ABCC8: variants seen among roughly 807,000 people sequenced by gnomAD.
ABCC8 encodes the protein ATP binding cassette subfamily C member 8, also known as ATP-binding cassette sub-family C member 8.
Under a neutral mutation model 188.0 loss-of-function variants are expected in ABCC8, and 137 were observed. That is an observed-to-expected ratio of 0.73 (90% CI 0.63 to 0.84). The LOEUF is 0.84. Ranked by LOEUF, ABCC8 falls within the 40% of genes least tolerant of loss-of-function variation. ABCC8 has a pLI of 0.00. For missense variants in ABCC8, 1,750 were observed against 2,072.7 expected, an observed-to-expected ratio of 0.84 and a Z score of 3.02; for synonymous variants, 797 against 846.5, an observed-to-expected ratio of 0.94 and a Z score of 1.01.
Position 17,460,781 on chromosome 11 carries a change from T to C in ABCC8, c.823-105A>G, listed in dbSNP as rs886290. 536,360 of 1,555,900 alleles carry C rather than the reference T, an allele frequency of 0.34. 94,619 individuals are homozygous for C. The highest frequency in any genetic ancestry group is 0.48 in the African/African-American group (35,686 of 73,786). Reference sequence around the variant, plus strand: ...GCTCCTGTTGTCTGGGGAAACCCAGTGGTCACATCCTCTGCAAATAGGTGA... The same window carrying C: ...GCTCCTGTTGTCTGGGGAAACCCAGCGGTCACATCCTCTGCAAATAGGTGA... On this transcript the variant is annotated intron_variant, in intron 5 of 38. Transcript: ENST00000389817.
Position 17,476,844 on chromosome 11 carries a change from C to T in ABCC8, c.-68G>A. 7.8e-7 allele frequency: 1 copy of T among 1,279,400 alleles called. No individual in the cohort carries two copies. Among genetic ancestry groups the T allele is most frequent in the Non-Finnish European group, 9.9e-7 (1 of 1,012,072 alleles). 79.3% of individuals were successfully genotyped at this position (1,279,400 alleles called of 1,614,324 possible). A position where few individuals can be genotyped will look rare whatever the true frequency, so the allele number is the denominator to read the frequency against. ...CTGGCTCCGCGCGCCTGCCGCGCCT[C>T]TGTCCCTTGCAGCTCCGCCGCCCGG... On this transcript the variant is annotated 5_prime_UTR_variant, in exon 1 of 39. Transcript: ENST00000389817.
chr11:17,425,217 A>G (rs1412186758), intron 16 of ABCC8, among the ~76,000 whole-genome samples: 1 of 152,204 alleles, frequency 6.6e-6, no homozygotes, highest in Non-Finnish European at 1.5e-5. Context: ...CTGCCCCCAA[A>G]GACATCACAG....
chr11:17,396,769 C>G (rs1953950103), intron 33 of ABCC8, 147 bp downstream of exon 33: 1 of 1,032,976 alleles, frequency 9.7e-7, no homozygotes, highest in Non-Finnish European at 1.4e-6. Context: ...CCCCCACAGG[C>G]CCAGGGCAGG....
At chr11:17,471,295 G>C (rs1848465154) in intron 2 of ABCC8, among the ~76,000 whole-genome samples, 1 of 152,222 alleles carries the variant, frequency 6.6e-6, no homozygotes, top group African/African-American at 2.4e-5. Context: ...CACAAAGGAG[G>C]GGGTGGGCAA....
intron 23 of ABCC8, 57 bp from the exon 24 acceptor site, chr11:17,407,510 G>A: frequency 6.2e-7 from 1 of 1,612,636 alleles, no homozygotes; most frequent in Non-Finnish European, 8.5e-7. Context: ...GGTGGGGGAA[G>A]GGGAAGTTAA....
At chr11:17,440,255 C>G (rs189963869) in intron 10 of ABCC8, among the ~76,000 whole-genome samples, 1 of 152,132 alleles carries the variant, frequency 6.6e-6, no homozygotes, top group Non-Finnish European at 1.5e-5. Flanking sequence ...CCCCGGCTAT[C>G]GGGAGAAGCC....
At chr11:17,397,097 C>G (rs371185111) in intron 32 of ABCC8, 51 bp from the exon 33 acceptor site, 1 of 1,613,946 alleles carries the variant, frequency 6.2e-7, no homozygotes, top group Admixed American at 1.7e-5. Context: ...AGCTAGTATC[C>G]GAAAGTGCCA....
chr11:17,405,680 A>G, intron 26 of ABCC8, 117 bp from the exon 27 acceptor site: 2 of 1,562,520 alleles, frequency 1.3e-6, no homozygotes, highest in South Asian at 1.2e-5. Context: ...TGGGTCTGGC[A>G]TCCTCTGCCA....
At chr11:17,437,091 C>CAAAA (rs71047551) in intron 10 of ABCC8, among the ~76,000 whole-genome samples, 23 of 55,080 alleles carry the variant, frequency 4.2e-4, no homozygotes, top group East Asian at 6.1e-4. Flanking sequence ...AACTCTGTCT[C>CAAAA]AAAAAAAAAA....
chr11:17,442,905 G>C (rs561053085), intron 9 of ABCC8, 23 bp from the exon 10 acceptor site: 4 of 1,608,880 alleles, frequency 2.5e-6, no homozygotes, highest in Non-Finnish European at 2.5e-6. Context: ...CCGAGTCAGA[G>C]GGGAGAGGCT....
At chr11:17,400,929 C>T (rs1024360682) in intron 29 of ABCC8, among the ~76,000 whole-genome samples, 3 of 152,208 alleles carry the variant, frequency 2.0e-5, no homozygotes, top group African/African-American at 7.2e-5. Context: ...TGGATTAAAG[C>T]CAATGCATTA....
chr11:17,423,593 G>C (rs1955450580), intron 16 of ABCC8, among the ~76,000 whole-genome samples: 1 of 152,162 alleles, frequency 6.6e-6, no homozygotes, highest in Non-Finnish European at 1.5e-5. Flanking sequence ...GACCGGGCGA[G>C]AGAGCAAAGA....
At chr11:17,398,225 T>C in intron 30 of ABCC8, 114 bp downstream of exon 30, 1 of 1,376,028 alleles carries the variant, frequency 7.3e-7, no homozygotes, top group Non-Finnish European at 1.0e-6. Context: ...CAGGAAGGCT[T>C]GGTGTCCACA....
chr11:17,403,636 T>A (rs1393696930), intron 28 of ABCC8, among the ~76,000 whole-genome samples: 3 of 152,236 alleles, frequency 2.0e-5, no homozygotes, highest in Non-Finnish European at 4.4e-5. Context: ...GCCAACTATG[T>A]GCACTTGGGA....
chr11:17,426,590 T>G (rs907563528), intron 16 of ABCC8, among the ~76,000 whole-genome samples: 1 of 152,166 alleles, frequency 6.6e-6, no homozygotes, highest in Non-Finnish European at 1.5e-5. Flanking sequence ...CACCCACTTA[T>G]GGTGTGTAGG....
At chr11:17,462,545 T>G (rs1260670270) in intron 4 of ABCC8, among the ~76,000 whole-genome samples, 2 of 152,234 alleles carry the variant, frequency 1.3e-5, no homozygotes, top group East Asian at 3.8e-4. Context: ...ACGCCATTCC[T>G]TGGACTCTCT....
At chr11:17,428,698 C>G in intron 12 of ABCC8, 28 bp from the exon 13 acceptor site, 4 of 1,609,036 alleles carry the variant, frequency 2.5e-6, no homozygotes, top group Non-Finnish European at 3.4e-6. Flanking sequence ...AGACACCCCT[C>G]ACCCCTGCCA....
In ABCC8 at chr11:17,416,943, C is replaced by T. The variant is rs1191992595; in HGVS notation, c.2242G>A (p.Gly748Arg). 3 of 1,614,096 alleles carry T rather than the reference C, an allele frequency of 1.9e-6. No homozygotes were observed. The highest frequency in any genetic ancestry group is 1.1e-5 in the South Asian group (1 of 91,074). Reference protein sequence around the residue: ...FWSSLPDSEIGEDPSPERETA... With the variant: ...FWSSLPDSEIREDPSPERETA... ...CCAAGGCTGTACCTGGGGTCCTCTCCTATCTCGCTGTCAGGAAGGCTGCTG... is the reference window on the plus strand; with the variant it reads ...CCAAGGCTGTACCTGGGGTCCTCTCTTATCTCGCTGTCAGGAAGGCTGCTG... The change falls in exon 17 of 39, where the codon GGA becomes AGA. Residue 748 changes from glycine (G) to arginine (R), a missense_variant. By Grantham distance (125) the Gly-to-Arg change is moderately radical. Transcript: ENST00000389817.
intron 32 of ABCC8, 57 bp downstream of exon 32, chr11:17,397,136 C>T: frequency 6.2e-7 from 1 of 1,613,392 alleles, no homozygotes; most frequent in Non-Finnish European, 8.5e-7. Context: ...TTGTGGCCCC[C>T]AACCCAGACA....
Sources: gnomAD v4.1 joint callset for allele counts (sites outside exome capture counted in the v4.1 genomes callset) on GRCh38, gnomAD v4.1.1 for gene constraint, MANE v1.5 for transcripts, NCBI Gene and HGNC (gene_info 2026-07-23, HGNC 2026-07-21) for gene names.